FLNB: variants seen among roughly 807,000 people sequenced by gnomAD.
FLNB encodes filamin B, also known as filamin-B.
FLNB carries 111 observed loss-of-function variants against 250.6 expected under a neutral mutation model. The ratio of observed to expected loss-of-function variants is 0.44; its 90% confidence interval spans 0.38 to 0.52. The LOEUF is 0.52. FLNB is among the 20% of genes least tolerant of loss of function. FLNB has a pLI of 0.00. For missense variants in FLNB, 2,869 were observed against 3,447.8 expected (o/e 0.83, Z 4.20); for synonymous variants, 1,302 against 1,372.1 (o/e 0.95, Z 1.13).
chr3:58,072,314 G>A (rs1371979507), intron 1 of FLNB, among the ~76,000 whole-genome samples: 3 of 152,132 alleles, frequency 2.0e-5, no homozygotes, highest in Admixed American at 6.6e-5. Context: ...GTGGTTAGGC[G>A]GACCTGGTAG....
chr3:58,158,887 C>T (rs2097357165), intron 41 of FLNB, among the ~76,000 whole-genome samples: 1 of 152,010 alleles, frequency 6.6e-6, no homozygotes, highest in East Asian at 1.9e-4. Flanking sequence ...ATGGGCTAGG[C>T]CCTGTGATAA....
intron 1 of FLNB, among the ~76,000 whole-genome samples, chr3:58,042,345 GTTTTT>G (rs541022128): frequency 7.7e-6 from 1 of 130,544 alleles, no homozygotes. Flanking sequence ...GTCTCTGTAG[GTTTTT>G]TTTTTTTTTT....
rs115601424 is a variant in FLNB, at chr3:58,156,109, G to A, written c.6888+34G>A. Reference sequence around the variant, plus strand: ...CAAGGAAGCATCCATCTCCTTGGCCGCAGGCCACCAGTGAGACCCCTGGAC... The same window carrying A: ...CAAGGAAGCATCCATCTCCTTGGCCACAGGCCACCAGTGAGACCCCTGGAC... On this transcript the variant is annotated intron_variant, in intron 41 of 45. Coordinates refer to ENST00000295956, the MANE Select transcript of FLNB (RefSeq NM_001457.4). 7.3e-4 allele frequency: 1,103 copies of A among 1,511,896 alleles called. 13 individuals are homozygous for A. The African/African-American group carries it at 0.012, about 17-fold the overall frequency. 93.7% of individuals were successfully genotyped at this position (1,511,896 alleles called of 1,614,324 possible). A position where few individuals can be genotyped will look rare whatever the true frequency, so the allele number is the denominator to read the frequency against.
chr3:58,104,066 G>A lies in FLNB; in HGVS notation c.1591G>A (p.Gly531Arg). The part of the protein sequence containing the change: ...GRYSIAITWG[G>R]HHIPKSPFEV... ...ATACAGCATTGCCATCACATGGGGG[G>A]GACACCACATTCCAAAGAGGTGAGG... is the stretch of plus-strand genomic sequence containing the variant. The change falls in exon 10 of 46, where the codon GGA becomes AGA. Residue 531 changes from glycine (G) to arginine (R), a missense_variant. Around this residue, in one of 5 missense-constraint regions of FLNB, gnomAD observed 1,348 missense variants for 1,466.7 expected, o/e 0.92. Transcript: ENST00000295956. 1 of 1,613,910 alleles carries A rather than the reference G, an allele frequency of 6.2e-7. No homozygotes were observed.
chr3:58,138,303 T>C lies in FLNB; in HGVS notation c.4883T>C (p.Val1628Ala), dbSNP rs753394720. The change falls in exon 29 of 46, where the codon GTG (valine) becomes GCG (alanine). Residue 1628 changes from valine (V) to alanine (A), a missense_variant. Transcript: ENST00000295956. The stretch of plus-strand genomic sequence containing the variant: ...CCAGGTCCTGGAATCGCCTCCACTG[T>C]GAAAACTGGCGAAGAAGTAGGCTTT... Reference protein sequence around the residue: ...LATGPGIASTVKTGEEVGFVV... With the variant: ...LATGPGIASTAKTGEEVGFVV... The C allele has an allele frequency of 1.9e-6, 3 of 1,614,122 alleles. No homozygotes were observed. The East Asian group carries it at 6.7e-5, about 36-fold the overall frequency.
At chr3:58,088,977 C>T (rs2097221792) in intron 4 of FLNB, among the ~76,000 whole-genome samples, 2 of 152,186 alleles carry the variant, frequency 1.3e-5, no homozygotes, top group Admixed American at 6.5e-5. Context: ...TAGACTTCTT[C>T]CCCCACTGTT....
chr3:58,032,815 C>T (rs1014848071), intron 1 of FLNB, among the ~76,000 whole-genome samples: 4 of 152,128 alleles, frequency 2.6e-5, no homozygotes, highest in African/African-American at 7.2e-5. Context: ...TGCCTGTAAT[C>T]CCAACATTTT....
intron 1 of FLNB, among the ~76,000 whole-genome samples, chr3:58,026,525 A>G (rs1337964572): frequency 6.6e-6 from 1 of 152,210 alleles, no homozygotes; most frequent in African/African-American, 2.4e-5. Context: ...CTGTACAAAC[A>G]GCATCAAAGT....
chr3:58,141,163 G>A (rs2097326352), intron 29 of FLNB, among the ~76,000 whole-genome samples: 1 of 152,132 alleles, frequency 6.6e-6, no homozygotes, highest in Admixed American at 6.5e-5. Flanking sequence ...TGAGGTGGGA[G>A]GATCACCTGG....
chr3:58,072,905 T>C (rs988736052), intron 1 of FLNB, among the ~76,000 whole-genome samples: 10 of 152,210 alleles, frequency 6.6e-5, no homozygotes, highest in Non-Finnish European at 1.5e-4. Context: ...TAGACTAGCA[T>C]GTGTAAGCTG....
chr3:58,146,017 C>A lies in FLNB; in HGVS notation c.5522C>A (p.Thr1841Asn). Residue 1841 changes from threonine to asparagine, a missense_variant, in exon 33 of 46, where the codon ACC becomes AAC. Thr to Asn is a moderately conservative substitution (Grantham distance 65, BLOSUM62 0). Coordinates refer to ENST00000295956, the MANE Select transcript of FLNB (RefSeq NM_001457.4). ...TATGGAGTGGCCAACAAAACTGCCA[C>A]CTTCACCATCGTCACAGAGGATGCA... ...LVYGVANKTA[T>N]FTIVTEDAGE... The A allele has an allele frequency of 6.2e-7, 1 of 1,614,224 alleles. No individual in the cohort carries two copies. The highest frequency in any genetic ancestry group is 8.5e-7 in the Non-Finnish European group (1 of 1,180,024).
chr3:58,033,384 T>TAGTATG (rs2097133627), intron 1 of FLNB, among the ~76,000 whole-genome samples: 1 of 126,222 alleles, frequency 7.9e-6, no homozygotes, highest in South Asian at 3.0e-4. Context: ...TGGAATCATA[T>TAGTATG]AGTATGCTGT....
Position 58,168,567 on chromosome 3 carries a change from CA to C in FLNB, c.7327del (p.Thr2443ProfsTer9). 6.2e-7 allele frequency: 1 copy of C among 1,614,076 alleles called. No homozygotes were observed. Among genetic ancestry groups the C allele is most frequent in the Non-Finnish European group, 8.5e-7 (1 of 1,179,896 alleles). On this transcript the variant is annotated frameshift_variant, in exon 44 of 46. Transcript: ENST00000295956. LOFTEE classifies it high-confidence loss of function. ...ETPEGYKVMY[T>X]PMAPGNYLIS... is the part of the protein sequence containing the mutation. The stretch of plus-strand genomic sequence containing the variant: ...CACCTGAAGGGTACAAAGTCATGTA[CA>C]CCCCCATGGCTCCTGGTAACTACCT...
chr3:58,107,068 C>T (rs1408801122), intron 12 of FLNB, among the ~76,000 whole-genome samples, 195 bp downstream of exon 12: 1 of 152,150 alleles, frequency 6.6e-6, no homozygotes, highest in African/African-American at 2.4e-5. Flanking sequence ...CTTGCTCTGT[C>T]GCCCAGGCTG....
chr3:58,123,655 G>C lies in FLNB; in HGVS notation c.3689G>C (p.Arg1230Thr). 6.2e-7 allele frequency: 1 copy of C among 1,606,944 alleles called. No individual in the cohort carries two copies. Among genetic ancestry groups the C allele is most frequent in the Non-Finnish European group, 8.5e-7 (1 of 1,178,726 alleles). ...VKVEPAVDTS[R>T]IKVFGPGIEG... ...GTGGAGCCCGCCGTGGACACCAGCA[G>C]GATCAAAGTCTTTGGACCAGGAATA... Residue 1230 changes from arginine (R) to threonine (T), a missense_variant, in exon 21 of 46, where the codon AGG becomes ACG. Physicochemically the swap from Arg to Thr is moderately conservative, Grantham distance 71. Around this residue, in one of 5 missense-constraint regions of FLNB, gnomAD observed 1,348 missense variants for 1,466.7 expected, o/e 0.92. Transcript: ENST00000295956.
At position 58,094,940 on chromosome 3, in the gene FLNB, G is replaced by A. The variant is rs1428670206; in HGVS notation, c.892G>A (p.Gly298Arg). 3 of 1,613,688 alleles carry A rather than the reference G, an allele frequency of 1.9e-6. No individual in the cohort carries two copies. The highest frequency in any genetic ancestry group is 1.3e-5 in the African/African-American group (1 of 74,924). ...DVMVFVEDPE[G>R]NKEEAQVTPD... ...GATGGTGTTTGTTGAGGACCCAGAA[G>A]GGAACAAAGAGGAGGTATGTTGGAG... is the stretch of plus-strand genomic sequence containing the variant. Residue 298 changes from glycine (G) to arginine (R), a missense_variant, in exon 5 of 46, where the codon GGG becomes AGG. By Grantham distance (125) the Gly-to-Arg change is moderately radical (BLOSUM62 -2). Coordinates refer to ENST00000295956, the MANE Select transcript of FLNB (RefSeq NM_001457.4).
At chr3:58,047,210 A>G (rs2097155553) in intron 1 of FLNB, among the ~76,000 whole-genome samples, 1 of 152,234 alleles carries the variant, frequency 6.6e-6, no homozygotes, top group South Asian at 2.1e-4. Context: ...TTTATTGCCA[A>G]GAAAATTAGT....
intron 4 of FLNB, 54 bp downstream of exon 4, chr3:58,081,830 A>T: frequency 6.3e-7 from 1 of 1,588,348 alleles, no homozygotes; most frequent in Non-Finnish European, 8.6e-7. Context: ...GGTGTTGGAG[A>T]TGATTTCATG....
intron 1 of FLNB, among the ~76,000 whole-genome samples, chr3:58,030,166 A>G (rs2097128973): frequency 6.6e-6 from 1 of 152,202 alleles, no homozygotes; most frequent in Non-Finnish European, 1.5e-5. Flanking sequence ...AGAGTTTGAG[A>G]CAAATGGCAC....
Sources: gnomAD v4.1 joint callset for allele counts (sites outside exome capture counted in the v4.1 genomes callset) on GRCh38, gnomAD v4.1.1 for gene constraint, gnomAD v4.1.1 regional missense constraint, MANE v1.5 for transcripts, NCBI Gene and HGNC (gene_info 2026-07-23, HGNC 2026-07-21) for gene names.